PRKG1: variants seen among roughly 807,000 people sequenced by gnomAD.
PRKG1 encodes the protein cGMP-dependent protein kinase 1.
PRKG1 carries 35 observed loss-of-function variants against 88.1 expected under a neutral mutation model. The ratio of observed to expected loss-of-function variants is 0.40; its 90% CI spans 0.30 to 0.53. PRKG1 has a LOEUF of 0.53. PRKG1 is among the 20% of genes least tolerant of loss of function. The pLI is 0.59. For missense variants in PRKG1, 540 were observed against 839.8 expected, an observed-to-expected ratio of 0.64 and a Z score of 4.41; for synonymous variants, 303 against 292.5, an observed-to-expected ratio of 1.04 and a Z score of -0.37.
intron 2 of PRKG1, among the ~76,000 whole-genome samples, chr10:51,232,008 G>A (rs1301754392): frequency 6.6e-6 from 1 of 152,054 alleles, no homozygotes; most frequent in Non-Finnish European, 1.5e-5. Flanking sequence ...TATTTTTATT[G>A]TCCTACGTGG....
chr10:51,713,510 G>T (rs763595937), intron 3 of PRKG1, among the ~76,000 whole-genome samples: 1 of 152,108 alleles, frequency 6.6e-6, no homozygotes, highest in Non-Finnish European at 1.5e-5. Flanking sequence ...TTCACATAGG[G>T]GAAAAGTAAA....
intron 2 of PRKG1, among the ~76,000 whole-genome samples, chr10:51,440,590 A>G (rs1427104671): frequency 6.6e-6 from 1 of 151,962 alleles, no homozygotes; most frequent in Non-Finnish European, 1.5e-5. Flanking sequence ...ATATATCAAA[A>G]TTCAATTATG....
At chr10:51,052,112 A>G (rs1843569612) in intron 1 of PRKG1, among the ~76,000 whole-genome samples, 1 of 152,188 alleles carries the variant, frequency 6.6e-6, no homozygotes. Flanking sequence ...AAAAGACAAT[A>G]AGCACATTTT....
intron 2 of PRKG1, among the ~76,000 whole-genome samples, chr10:51,298,877 G>A: frequency 6.6e-6 from 1 of 152,176 alleles, no homozygotes; most frequent in East Asian, 1.9e-4. Context: ...GCAACAAAAG[G>A]TTGGAAGCTT....
At chr10:51,205,681 G>A (rs2132063416) in intron 2 of PRKG1, among the ~76,000 whole-genome samples, 2 of 151,414 alleles carry the variant, frequency 1.3e-5, no homozygotes, top group African/African-American at 2.4e-5. Context: ...GACTAGAGGC[G>A]CTGCCACCAC....
intron 3 of PRKG1, among the ~76,000 whole-genome samples, chr10:51,519,125 C>T (rs571781098): frequency 2.6e-5 from 4 of 152,228 alleles, no homozygotes; most frequent in African/African-American, 9.6e-5. Flanking sequence ...AAACACTGAG[C>T]TGGGTTGGTA....
intron 7 of PRKG1, among the ~76,000 whole-genome samples, chr10:52,079,498 C>T (rs987147379): frequency 3.3e-5 from 5 of 152,130 alleles, no homozygotes; most frequent in African/African-American, 1.2e-4. Flanking sequence ...CCTTTAGGAA[C>T]CTGAGACTCG....
chr10:51,942,396 G>A (rs1213022271), intron 5 of PRKG1, among the ~76,000 whole-genome samples: 3 of 151,024 alleles, frequency 2.0e-5, no homozygotes, highest in Admixed American at 6.6e-5. Context: ...CTCCCATTTT[G>A]TAGGTTGCCT....
chr10:51,515,143 G>T (rs1345464438), intron 3 of PRKG1, among the ~76,000 whole-genome samples: 1 of 151,796 alleles, frequency 6.6e-6, no homozygotes, highest in African/African-American at 2.4e-5. Flanking sequence ...ATAACTTTAG[G>T]TTTATACTCA....
At chr10:51,342,825 A>G (rs1842031734) in intron 2 of PRKG1, among the ~76,000 whole-genome samples, 1 of 152,264 alleles carries the variant, frequency 6.6e-6, no homozygotes, top group African/African-American at 2.4e-5. Flanking sequence ...ATGAAGAATA[A>G]CAAACATTCA....
chr10:51,823,770 T>C (rs989590574), intron 4 of PRKG1, among the ~76,000 whole-genome samples: 3 of 151,930 alleles, frequency 2.0e-5, no homozygotes, highest in Non-Finnish European at 4.4e-5. Context: ...TCCATAGAAA[T>C]GTTGAAATGA....
chr10:50,998,860 A>G (rs1842860465), intron 1 of PRKG1, among the ~76,000 whole-genome samples: 1 of 152,252 alleles, frequency 6.6e-6, no homozygotes, highest in Non-Finnish European at 1.5e-5. Context: ...GTTTTATTAT[A>G]TAATGACTGG....
At chr10:51,313,620 C>G (rs1841246648) in intron 2 of PRKG1, among the ~76,000 whole-genome samples, 1 of 152,160 alleles carries the variant, frequency 6.6e-6, no homozygotes, top group African/African-American at 2.4e-5. Flanking sequence ...TTGATTCTGA[C>G]TTTTGTAGTA....
At chr10:51,761,019 A>C (rs1261609861) in intron 3 of PRKG1, among the ~76,000 whole-genome samples, 3 of 152,138 alleles carry the variant, frequency 2.0e-5, no homozygotes. Flanking sequence ...AGGCTGAGGC[A>C]GAAGAATTAC....
At chr10:51,083,997 G>A (rs1029156829) in intron 1 of PRKG1, among the ~76,000 whole-genome samples, 8 of 152,104 alleles carry the variant, frequency 5.3e-5, no homozygotes. Context: ...AATACTTTTT[G>A]ATAAAAATAA....
chr10:52,025,621 A>C (rs1845315381), intron 5 of PRKG1, among the ~76,000 whole-genome samples: 1 of 151,806 alleles, frequency 6.6e-6, no homozygotes. Flanking sequence ...AGGTTTGTCA[A>C]AGGTCAGATG....
At chr10:51,637,015 C>A (rs891261213) in intron 3 of PRKG1, among the ~76,000 whole-genome samples, 2 of 152,064 alleles carry the variant, frequency 1.3e-5, no homozygotes, top group African/African-American at 4.8e-5. Flanking sequence ...TTGTGATGAT[C>A]CAATATGGTG....
At chr10:51,435,582 G>A (rs551631592) in intron 2 of PRKG1, among the ~76,000 whole-genome samples, 186 of 151,884 alleles carry the variant, frequency 1.2e-3, no homozygotes, top group African/African-American at 4.2e-3. Flanking sequence ...GGCCTCTTTT[G>A]TTTGAAATGT....
chr10:51,038,773 T>C (rs945901549), intron 1 of PRKG1, among the ~76,000 whole-genome samples: 2 of 152,174 alleles, frequency 1.3e-5, no homozygotes, highest in Admixed American at 6.5e-5. Context: ...GGCTGAATAG[T>C]GCAGCAATAA....
Sources: gnomAD v4.1 joint callset for allele counts (sites outside exome capture counted in the v4.1 genomes callset) on GRCh38, gnomAD v4.1.1 for gene constraint, MANE v1.5 for transcripts, NCBI Gene and HGNC (gene_info 2026-07-23, HGNC 2026-07-21) for gene names.